The following ZFR variants were observed in gnomAD, a reference collection of about 807,000 sequenced individuals.
The protein encoded by ZFR is zinc finger RNA-binding protein.
ZFR carries 19 observed loss-of-function variants against 130.7 expected under a neutral mutation model. The observed-to-expected ratio is 0.15, with a 90% CI of 0.10 to 0.21. ZFR has a LOEUF of 0.21. Ranked by LOEUF, ZFR falls within the 10% of genes least tolerant of loss-of-function variation. The probability of loss-of-function intolerance (pLI) is 1.00; values close to 1 mark genes in which losing one functional copy is unlikely to be tolerated. For missense variants in ZFR, 872 were observed against 1,321.5 expected (o/e 0.66, Z 5.27); for synonymous variants, 466 against 456.9 (o/e 1.02, Z -0.25).
At chr5:32,394,287 A>G (rs969979477) in intron 11 of ZFR, 1 of 166,712 alleles carries the variant, frequency 6.0e-6, no homozygotes, top group East Asian at 1.9e-4. Flanking sequence ...ATAAAAGACA[A>G]TGGAATACTG....
chr5:32,415,521 C>CGCGCGT (rs1753805822), intron 4 of ZFR, among the ~76,000 whole-genome samples: 1 of 71,680 alleles, frequency 1.4e-5, no homozygotes, highest in Non-Finnish European at 2.9e-5. Context: ...TGTGTGCGCG[C>CGCGCGT]GCGCGCGCGC....
chr5:32,356,038 G>T (rs1581672370), intron 19 of ZFR, 99 bp from the exon 20 acceptor site: 1 of 915,872 alleles, frequency 1.1e-6, no homozygotes, highest in Non-Finnish European at 1.6e-6. Flanking sequence ...AAAAAAGCAT[G>T]TGTAATGAAA....
rs555111591 is a variant in ZFR, at chr5:32,355,170, C to T, written c.*590G>A. On this transcript the variant is annotated 3_prime_UTR_variant, in exon 20 of 20. Transcript: ENST00000265069. ...TTATATATCACACTAGAGACAAATG[C>T]CACAAGATCTGCAGAAACATTCAGT... 3 of 152,240 alleles carry T rather than the reference C, an allele frequency of 2.0e-5. No homozygotes were observed. The highest frequency in any genetic ancestry group is 2.9e-5 in the Non-Finnish European group (2 of 68,012). The allele number at this position is 152,240 out of a possible 1,614,324, so 9.4% of individuals were successfully genotyped here.
At chr5:32,406,602 A>G in intron 6 of ZFR, 172 bp downstream of exon 6, 1 of 846,980 alleles carries the variant, frequency 1.2e-6, no homozygotes, top group Non-Finnish European at 1.6e-6. Flanking sequence ...TCATCTTTAC[A>G]GTTTTTTTTT....
At chr5:32,430,714 C>T (rs1450475027) in intron 2 of ZFR, among the ~76,000 whole-genome samples, 1 of 152,028 alleles carries the variant, frequency 6.6e-6, no homozygotes, top group Non-Finnish European at 1.5e-5. Context: ...AAACTGCCTA[C>T]AGAGATTAAG....
intron 2 of ZFR, among the ~76,000 whole-genome samples, chr5:32,434,280 GA>G (rs1754285413): frequency 6.6e-6 from 1 of 152,218 alleles, no homozygotes; most frequent in Admixed American, 6.5e-5. Flanking sequence ...ATTATCAGCT[GA>G]AGACTTGTAG....
chr5:32,380,901 C>T (rs1226099732), intron 15 of ZFR, among the ~76,000 whole-genome samples: 1 of 151,528 alleles, frequency 6.6e-6, no homozygotes, highest in African/African-American at 2.4e-5. Context: ...ACACCCGCCT[C>T]GGCCTCCCAA....
intron 8 of ZFR, 28 bp from the exon 9 acceptor site, chr5:32,400,231 A>C (rs990789835): frequency 1.3e-5 from 19 of 1,508,944 alleles, no homozygotes; most frequent in Non-Finnish European, 1.6e-5. Flanking sequence ...AGTTAAAAAA[A>C]ATTTTATTTT....
At chr5:32,427,961 A>C (rs1056979680) in intron 2 of ZFR, among the ~76,000 whole-genome samples, 4 of 152,226 alleles carry the variant, frequency 2.6e-5, no homozygotes, top group African/African-American at 9.6e-5. Context: ...TACAAAAATT[A>C]ACTCAAAATG....
intron 15 of ZFR, among the ~76,000 whole-genome samples, 158 bp downstream of exon 15, chr5:32,385,350 G>A (rs1006603880): frequency 7.9e-5 from 12 of 152,036 alleles, no homozygotes; most frequent in Admixed American, 5.9e-4. Context: ...TACTCTGTGG[G>A]AAATTATCTT....
chr5:32,404,032 T>C lies in ZFR; in HGVS notation c.1098A>G (p.Gln366=), dbSNP rs372951987. The C allele has an allele frequency of 1.3e-4, 202 of 1,613,998 alleles. No individual in the cohort carries two copies. Among genetic ancestry groups the C allele is most frequent in the Non-Finnish European group, 1.7e-4 (201 of 1,179,982 alleles). ...KKKEAALKAS[Q]NTSSSNSSTR... is the part of the protein sequence containing the mutation. ...TAGAACTGTTGCTGCTGCTGGTATT[T>C]TGTGAGGCTTTCAATGCAGCTTCTT... Residue 366 remains glutamine, a synonymous_variant, in exon 7 of 20, where the codon CAA becomes CAG. Coordinates refer to ENST00000265069, the MANE Select transcript of ZFR (RefSeq NM_016107.5).
chr5:32,418,116 C>T (rs928762666), intron 3 of ZFR, among the ~76,000 whole-genome samples: 8 of 151,812 alleles, frequency 5.3e-5, no homozygotes, highest in African/African-American at 9.7e-5. Flanking sequence ...AAAAATTAGC[C>T]GGGCATGGTG....
Position 32,359,960 on chromosome 5 carries a change from AAAG to A in ZFR, c.3045+3985_3045+3987del, listed in dbSNP as rs1341297114. 1.3e-4 allele frequency among the ~76,000 whole-genome samples: 20 copies of A among 152,118 alleles called. No homozygotes were observed. The East Asian group carries it at 3.9e-3, about 29-fold the overall frequency. On this transcript the variant is annotated intron_variant, in intron 19 of 19. Coordinates refer to ENST00000265069, the MANE Select transcript of ZFR (RefSeq NM_016107.5). ...CTCCGTCTTAAGGAAAAAAAAAAAA[AAAG>A]AAAGAAAAATTCCTTGTTACTTCAT...
chr5:32,367,142 G>A (rs1752564709), intron 17 of ZFR, among the ~76,000 whole-genome samples: 1 of 152,000 alleles, frequency 6.6e-6, no homozygotes, highest in Non-Finnish European at 1.5e-5. Flanking sequence ...GATTATAACT[G>A]ACTGTAGCAG....
At chr5:32,413,798 A>C (rs1229857198) in intron 5 of ZFR, among the ~76,000 whole-genome samples, 4 of 152,210 alleles carry the variant, frequency 2.6e-5, no homozygotes, top group African/African-American at 9.6e-5. Flanking sequence ...AGGAATCATA[A>C]ATTCAGTATT....
Position 32,366,495 on chromosome 5 carries a change from T to C in ZFR, c.2836-2220A>G, listed in dbSNP as rs765499695. Among the ~76,000 whole-genome samples, 20 of 152,206 alleles carry C rather than the reference T, an allele frequency of 1.3e-4. 1 individual carries two copies. The highest frequency in any genetic ancestry group is 2.1e-4 in the South Asian group (1 of 4,834). ...ATTAAAAGTCAAGAAAGAAATCAAT[T>C]ATTTATGGAACACAAAAAAGTCAAT... On this transcript the variant is annotated intron_variant, in intron 17 of 19. Coordinates refer to ENST00000265069, the MANE Select transcript of ZFR (RefSeq NM_016107.5).
At chr5:32,396,922 T>C (rs913442981) in intron 10 of ZFR, among the ~76,000 whole-genome samples, 1 of 152,232 alleles carries the variant, frequency 6.6e-6, no homozygotes, top group African/African-American at 2.4e-5. Flanking sequence ...TTGAGACTTT[T>C]TTCAAACATT....
At chr5:32,364,094 T>TA (rs1331403112) in intron 18 of ZFR, 49 bp from the exon 19 acceptor site, 11 of 1,596,548 alleles carry the variant, frequency 6.9e-6, no homozygotes, top group Middle Eastern at 1.7e-4. Flanking sequence ...TGTCCACTTA[T>TA]AAAAAAAATT....
chr5:32,406,713 A>G (rs780176619), intron 6 of ZFR, 61 bp downstream of exon 6: 5 of 1,544,314 alleles, frequency 3.2e-6, no homozygotes, highest in Non-Finnish European at 4.3e-6. Flanking sequence ...CTCAGGAGTT[A>G]GAATACCAAC....
Sources: gnomAD v4.1 joint callset for allele counts (sites outside exome capture counted in the v4.1 genomes callset) on GRCh38, gnomAD v4.1.1 for gene constraint, MANE v1.5 for transcripts, NCBI Gene and HGNC (gene_info 2026-07-23, HGNC 2026-07-21) for gene names.